The following KCNQ1 variants were observed in gnomAD, a reference collection of about 807,000 sequenced individuals.
KCNQ1 encodes the protein potassium voltage-gated channel subfamily KQT member 1.
In KCNQ1, 49 loss-of-function variants were observed where a neutral mutation model predicts 72.4. That is an observed-to-expected ratio of 0.68 (90% CI 0.54 to 0.86). KCNQ1 has a LOEUF of 0.86. Ranked by LOEUF, KCNQ1 falls within the 40% of genes least tolerant of loss-of-function variation. KCNQ1 has a pLI of 0.00. For missense variants in KCNQ1, 790 were observed against 945.1 expected, an observed-to-expected ratio of 0.84 and a Z score of 2.15; for synonymous variants, 450 against 412.6, an observed-to-expected ratio of 1.09 and a Z score of -1.10.
Position 2,558,295 on chromosome 11 carries a change from C to A in KCNQ1, c.478-12333C>A, listed in dbSNP as rs1005151126. Among the ~76,000 whole-genome samples, 6 of 152,258 alleles carry A rather than the reference C, an allele frequency of 3.9e-5. No homozygotes were observed. The East Asian group carries it at 1.2e-3, about 29-fold the overall frequency. On this transcript the variant is annotated intron_variant, in intron 2 of 15. Transcript: ENST00000155840. ...GTTGTCCCCCACGTGGATTGAAATT[C>A]ATCTATTGCCTGAAAGTAATGAAGT... is the stretch of plus-strand genomic sequence containing the variant.
intron 1 of KCNQ1, among the ~76,000 whole-genome samples, chr11:2,472,205 A>G (rs1304182225): frequency 7.6e-6 from 1 of 132,164 alleles, no homozygotes; most frequent in African/African-American, 2.9e-5. Flanking sequence ...ATGTGTGCAC[A>G]TGTGTGTAGG....
At position 2,813,999 on chromosome 11, in the gene KCNQ1, A is replaced by C. The variant is rs1309478463; in HGVS notation, c.1795-33768A>C. Among the ~76,000 whole-genome samples the C allele has an allele frequency of 6.7e-6, 1 of 148,954 alleles. No individual in the cohort carries two copies. The highest frequency in any genetic ancestry group is 1.5e-5 in the Non-Finnish European group (1 of 67,058). Reference sequence around the variant, plus strand: ...GGAGGGAAGGAGGGCTGAATAAAGAAATGGATGGATGGATGGATGATGGAT... The same window carrying C: ...GGAGGGAAGGAGGGCTGAATAAAGACATGGATGGATGGATGGATGATGGAT... On this transcript the variant is annotated intron_variant, in intron 15 of 15. Coordinates refer to ENST00000155840, the MANE Select transcript of KCNQ1 (RefSeq NM_000218.3). The surrounding 1 kb of genome is among the most constrained non-coding windows in gnomAD (Gnocchi z 4.4).
In KCNQ1 at chr11:2,839,109, G is replaced by A. The variant is rs535265789; in HGVS notation, c.1795-8658G>A. Among the ~76,000 whole-genome samples the A allele has an allele frequency of 3.1e-4, 47 of 152,334 alleles. 1 individual carries two copies. The Middle Eastern group carries it at 0.014, about 44-fold the overall frequency. On this transcript the variant is annotated intron_variant, in intron 15 of 15. Coordinates refer to ENST00000155840, the MANE Select transcript of KCNQ1 (RefSeq NM_000218.3). ...CTGCCGGCAGGAAGCTCCTGAGGCC[G>A]GGCTAGGGATAGGCCAGCCCTTGGG...
chr11:2,548,186 C>T (rs1036264890), intron 2 of KCNQ1, among the ~76,000 whole-genome samples: 2 of 152,130 alleles, frequency 1.3e-5, no homozygotes, highest in African/African-American at 4.8e-5. Context: ...AGCTCAGACC[C>T]GAGGTCCCAG....
intron 11 of KCNQ1, among the ~76,000 whole-genome samples, chr11:2,718,494 C>T (rs1032359537): frequency 6.6e-6 from 1 of 152,226 alleles, no homozygotes; most frequent in Non-Finnish European, 1.5e-5. Context: ...GGATGATGAA[C>T]CCCAGGAATT....
At chr11:2,527,169 G>A (rs893246391) in intron 1 of KCNQ1, among the ~76,000 whole-genome samples, 17 of 152,220 alleles carry the variant, frequency 1.1e-4, no homozygotes, top group African/African-American at 3.1e-4. Context: ...GGCTCTGTGC[G>A]CCTTCCCTTT....
chr11:2,799,375 A>AGTGTGTGT lies in KCNQ1; in HGVS notation c.1794+21358_1794+21365dup, dbSNP rs3079043. Among the ~76,000 whole-genome samples, 1,035 of 147,390 alleles carry AGTGTGTGT rather than the reference A, an allele frequency of 7.0e-3. 12 individuals are homozygous for AGTGTGTGT. Among genetic ancestry groups the AGTGTGTGT allele is most frequent in the African/African-American group, 0.021 (845 of 40,074 alleles). On this transcript the variant is annotated intron_variant, in intron 15 of 15. Coordinates refer to ENST00000155840, the MANE Select transcript of KCNQ1 (RefSeq NM_000218.3). ...TTTAACTTCTGTAGCTGTAAGTTCGAGTGTGTGTGTGTGTGTGTGTGTGTG... is the reference window on the plus strand; with the variant it reads ...TTTAACTTCTGTAGCTGTAAGTTCGAGTGTGTGTGTGTGTGTGTGTGTGTGTGTGTGTG...
At position 2,711,877 on chromosome 11, in the gene KCNQ1, C is replaced by G. The variant is rs1445544291; in HGVS notation, c.1514+49796C>G. On this transcript the variant is annotated intron_variant, in intron 11 of 15. Coordinates refer to ENST00000155840, the MANE Select transcript of KCNQ1 (RefSeq NM_000218.3). The surrounding 1 kb of genome is among the most constrained non-coding windows in gnomAD (Gnocchi z 5.4). ...CCTTTGAGGGGAGGCAGAGTTGGCT[C>G]ACGGGAAAGGCTGGCCCTGAGGCAT... is the stretch of plus-strand genomic sequence containing the variant. 6.6e-6 allele frequency among the ~76,000 whole-genome samples: 1 copy of G among 152,136 alleles called. No individual in the cohort carries two copies. Among genetic ancestry groups the G allele is most frequent in the Non-Finnish European group, 1.5e-5 (1 of 68,014 alleles).
At chr11:2,591,216 G>T (rs183877358) in intron 10 of KCNQ1, among the ~76,000 whole-genome samples, 505 of 152,330 alleles carry the variant, frequency 3.3e-3, no homozygotes, top group Non-Finnish European at 5.1e-3. Flanking sequence ...GTTCATTCAG[G>T]ATGGCTCACC....
Position 2,658,246 on chromosome 11 carries a change from C to G in KCNQ1, c.1394-3715C>G, listed in dbSNP as rs1480893843. On this transcript the variant is annotated intron_variant, in intron 10 of 15. Transcript: ENST00000155840. This position sits in a 1 kb window ranked among gnomAD's most constrained non-coding sequence, Gnocchi z 4.9. ...ATCGTTTTCCTGCAGCAAATATTACCGTGATGTACTTCTATTTTCCTCATT... is the reference window on the plus strand; with the variant it reads ...ATCGTTTTCCTGCAGCAAATATTACGGTGATGTACTTCTATTTTCCTCATT... 2.5e-6 allele frequency: 1 copy of G among 398,520 alleles called. No individual in the cohort carries two copies. The highest frequency in any genetic ancestry group is 4.4e-6 in the Non-Finnish European group (1 of 226,050). The allele number at this position is 398,520 out of a possible 1,614,324, so 24.7% of individuals were successfully genotyped here.
intron 1 of KCNQ1, among the ~76,000 whole-genome samples, chr11:2,474,142 A>G (rs1314623861): frequency 6.6e-6 from 1 of 151,954 alleles, no homozygotes; most frequent in Non-Finnish European, 1.5e-5. Flanking sequence ...AGGGCTCACC[A>G]TGGGGCTGTG....
chr11:2,730,653 G>C (rs1358769824), intron 11 of KCNQ1, among the ~76,000 whole-genome samples: 1 of 152,190 alleles, frequency 6.6e-6, no homozygotes, highest in East Asian at 1.9e-4. Flanking sequence ...CCAGTGCAGA[G>C]GTGAGACCTG....
Position 2,670,606 on chromosome 11 carries a change from A to G in KCNQ1, c.1514+8525A>G, listed in dbSNP as rs1182506438. Reference sequence around the variant, plus strand: ...GCCAGGGCTCATTCCCAGACACACAATCTCTGGGGGAGCCTGGATATGCAT... The same window carrying G: ...GCCAGGGCTCATTCCCAGACACACAGTCTCTGGGGGAGCCTGGATATGCAT... On this transcript the variant is annotated intron_variant, in intron 11 of 15. Transcript: ENST00000155840. The surrounding 1 kb of genome is among the most constrained non-coding windows in gnomAD (Gnocchi z 4.9). 1 of 398,140 alleles carries G rather than the reference A, an allele frequency of 2.5e-6. No homozygotes were observed. The highest frequency in any genetic ancestry group is 2.1e-5 in the African/African-American group (1 of 48,466). The allele number at this position is 398,140 out of a possible 1,614,324, so 24.7% of individuals were successfully genotyped here.
Position 2,798,227 on chromosome 11 carries a change from G to A in KCNQ1, c.1794+20190G>A, listed in dbSNP as rs555422700. On this transcript the variant is annotated intron_variant, in intron 15 of 15. Coordinates refer to ENST00000155840, the MANE Select transcript of KCNQ1 (RefSeq NM_000218.3). ...CTGTCCAAGAGGAAGGGGCTGGACC[G>A]TCCACGCCCTGGGTTCCCAACCACC... Among the ~76,000 whole-genome samples the A allele has an allele frequency of 3.8e-3, 582 of 152,264 alleles. 5 individuals carry two copies. Among genetic ancestry groups the A allele is most frequent in the Non-Finnish European group, 6.6e-3 (451 of 68,006 alleles).
chr11:2,825,041 T>C (rs1005601521), intron 15 of KCNQ1, among the ~76,000 whole-genome samples: 1 of 152,306 alleles, frequency 6.6e-6, no homozygotes, highest in African/African-American at 2.4e-5. Flanking sequence ...AGCTCAGACA[T>C]TGGTCTGCAC....
In KCNQ1 at chr11:2,613,870, T is replaced by C. The variant is rs1304959399; in HGVS notation, c.1393+25016T>C. 1 of 398,494 alleles carries C rather than the reference T, an allele frequency of 2.5e-6. No individual in the cohort carries two copies. The highest frequency in any genetic ancestry group is 4.4e-6 in the Non-Finnish European group (1 of 226,064). The allele number at this position is 398,494 out of a possible 1,614,324, so 24.7% of individuals were successfully genotyped here. On this transcript the variant is annotated intron_variant, in intron 10 of 15. Coordinates refer to ENST00000155840, the MANE Select transcript of KCNQ1 (RefSeq NM_000218.3). The surrounding 1 kb of genome is among the most constrained non-coding windows in gnomAD (Gnocchi z 4.8). ...TTATAGTTTGTGTGTGTTTGCTCTT[T>C]ATAAGACATGATTATTTTCTCATTT...
At position 2,809,334 on chromosome 11, in the gene KCNQ1, T is replaced by C. The variant is rs908305594; in HGVS notation, c.1794+31297T>C. On this transcript the variant is annotated intron_variant, in intron 15 of 15. Coordinates refer to ENST00000155840, the MANE Select transcript of KCNQ1 (RefSeq NM_000218.3). The surrounding 1 kb of genome is among the most constrained non-coding windows in gnomAD (Gnocchi z 7.1). The stretch of plus-strand genomic sequence containing the variant: ...AATAAAATGTGGGACGCTGGACTCA[T>C]CGTGGGTTTTTGCGGTCTTCTCTCA... Among the ~76,000 whole-genome samples, 2 of 152,200 alleles carry C rather than the reference T, an allele frequency of 1.3e-5. No homozygotes were observed. The highest frequency in any genetic ancestry group is 2.4e-5 in the African/African-American group (1 of 41,450).
At chr11:2,524,682 T>TATCCAAGGCCTCAGGGTG (rs1847463711) in intron 1 of KCNQ1, among the ~76,000 whole-genome samples, 1 of 152,182 alleles carries the variant, frequency 6.6e-6, no homozygotes, top group South Asian at 2.1e-4. Context: ...GCTTCCGGCT[T>TATCCAAGGCCTCAGGGTG]ATCCAAGGCC....
rs1029792714 is a variant in KCNQ1 at position 2,663,930 on chromosome 11, G to A, written c.1514+1849G>A. 2.5e-6 allele frequency: 1 copy of A among 398,596 alleles called. No homozygotes were observed. Among genetic ancestry groups the A allele is most frequent in the Non-Finnish European group, 4.4e-6 (1 of 226,124 alleles). The allele number at this position is 398,596 out of a possible 1,614,324, so 24.7% of individuals were successfully genotyped here. A position where few individuals can be genotyped will look rare whatever the true frequency, so the allele number is the denominator to read the frequency against. On this transcript the variant is annotated intron_variant, in intron 11 of 15. Coordinates refer to ENST00000155840, the MANE Select transcript of KCNQ1 (RefSeq NM_000218.3). The surrounding 1 kb of genome is among the most constrained non-coding windows in gnomAD (Gnocchi z 5.2). Reference sequence around the variant, plus strand: ...CATCTAGGACACTGGGCTGTTTCTTGTTCCACTCCAGGATGACAGGGCCTG... The same window carrying A: ...CATCTAGGACACTGGGCTGTTTCTTATTCCACTCCAGGATGACAGGGCCTG...
Sources: allele counts gnomAD v4.1 joint callset (sites outside exome capture counted in the v4.1 genomes callset), GRCh38; gene constraint gnomAD v4.1.1; non-coding constraint Gnocchi (gnomAD v3.1); transcripts MANE v1.5; gene names NCBI Gene and HGNC (gene_info 2026-07-23, HGNC 2026-07-21).